HTR4: variants seen among roughly 807,000 people sequenced by gnomAD.
HTR4 encodes the protein 5-hydroxytryptamine (serotonin) receptor 4, G protein-coupled.
Under a neutral mutation model 36.8 loss-of-function variants are expected in HTR4, and 16 were observed. The ratio of observed to expected loss-of-function variants is 0.43; its 90% confidence interval spans 0.29 to 0.66. The LOEUF is 0.66. Among genes scored for constraint, HTR4 ranks in the 30% least tolerant of loss-of-function variants. The pLI, the probability that HTR4 is intolerant of heterozygous loss-of-function variation, is 0.13. For synonymous variants in HTR4, 189 were observed against 185.1 expected (o/e 1.02, Z -0.17); for missense variants, 438 against 490.9 (o/e 0.89, Z 1.02).
At chr5:148,652,616 G>C (rs1456376862) in intron 1 of HTR4, among the ~76,000 whole-genome samples, 1 of 152,134 alleles carries the variant, frequency 6.6e-6, no homozygotes, top group African/African-American at 2.4e-5. Context: ...AGACACTACT[G>C]TCCTCTGGGC....
At chr5:148,485,858 T>C (rs964667666) in intron 6 of HTR4, among the ~76,000 whole-genome samples, 1 of 152,174 alleles carries the variant, frequency 6.6e-6, no homozygotes, top group Non-Finnish European at 1.5e-5. Context: ...TCCAGAGCAA[T>C]TGGAGAGAGG....
At chr5:148,470,557 T>C (rs1040309719) in intron 5 of HTR4, among the ~76,000 whole-genome samples, 2 of 152,258 alleles carry the variant, frequency 1.3e-5, no homozygotes, top group Non-Finnish European at 2.9e-5. Context: ...GTTTTCCTGT[T>C]TGATTGTTGT....
At chr5:148,648,857 T>C (rs1753950028) in intron 1 of HTR4, among the ~76,000 whole-genome samples, 1 of 152,226 alleles carries the variant, frequency 6.6e-6, no homozygotes, top group South Asian at 2.1e-4. Flanking sequence ...GAAAGGGTCA[T>C]GGACTCCAGG....
intron 2 of HTR4, among the ~76,000 whole-genome samples, chr5:148,592,292 A>G (rs912673058): frequency 6.6e-6 from 1 of 152,140 alleles, no homozygotes; most frequent in Non-Finnish European, 1.5e-5. Flanking sequence ...TACTGGGCTT[A>G]ATTACTAGGT....
At chr5:148,596,547 A>C (rs941078778) in intron 2 of HTR4, among the ~76,000 whole-genome samples, 3 of 151,832 alleles carry the variant, frequency 2.0e-5, no homozygotes, top group African/African-American at 7.3e-5. Flanking sequence ...TTTTTTGGAG[A>C]GCTGATCAGT....
intron 5 of HTR4, among the ~76,000 whole-genome samples, chr5:148,455,929 G>C (rs1159607607): frequency 6.6e-6 from 1 of 152,110 alleles, no homozygotes; most frequent in Non-Finnish European, 1.5e-5. Context: ...CTGAGGAGGA[G>C]GAGGATGAAG....
In HTR4 at chr5:148,550,208, C is replaced by T. The variant is rs200849583; in HGVS notation, c.81G>A (p.Ser27=). The change falls in exon 3 of 7, where the codon TCG becomes TCA. Residue 27 remains serine, a synonymous_variant. Transcript: ENST00000377888. Reference sequence around the variant, plus strand: ...CCAAGATGGCCATCAGGATAACCGTCGAGAGAAACGTGAGCAGCACCACCT... The same window carrying T: ...CCAAGATGGCCATCAGGATAACCGTTGAGAGAAACGTGAGCAGCACCACCT... ...VEKVVLLTFL[S]TVILMAILGN... 1.3e-5 allele frequency: 21 copies of T among 1,613,958 alleles called. No individual in the cohort carries two copies. The highest frequency in any genetic ancestry group is 1.1e-4 in the South Asian group (10 of 91,074).
intron 6 of HTR4, among the ~76,000 whole-genome samples, chr5:148,493,687 A>C (rs1162950337): frequency 6.6e-6 from 1 of 152,214 alleles, no homozygotes; most frequent in Non-Finnish European, 1.5e-5. Context: ...ATGAAAAAAA[A>C]AGAAAGGCTT....
intron 2 of HTR4, among the ~76,000 whole-genome samples, chr5:148,558,007 G>A (rs926958064): frequency 6.6e-6 from 1 of 151,646 alleles, no homozygotes; most frequent in South Asian, 2.1e-4. Context: ...CACCTGTTAG[G>A]AGTGTCATGT....
chr5:148,469,442 G>A (rs1193333885), intron 5 of HTR4, among the ~76,000 whole-genome samples: 2 of 152,136 alleles, frequency 1.3e-5, no homozygotes, highest in Admixed American at 6.5e-5. Flanking sequence ...GTTCTGATCT[G>A]ACTACACAAG....
chr5:148,554,573 GTTA>G (rs1759844616), intron 2 of HTR4, among the ~76,000 whole-genome samples: 1 of 152,184 alleles, frequency 6.6e-6, no homozygotes, highest in Admixed American at 6.5e-5. Context: ...TGAATGCGGA[GTTA>G]TTATTTAAGA....
chr5:148,571,194 T>A (rs1219103888), intron 2 of HTR4, among the ~76,000 whole-genome samples: 1 of 152,154 alleles, frequency 6.6e-6, no homozygotes, highest in Non-Finnish European at 1.5e-5. Flanking sequence ...CTTTTACTTA[T>A]AAATAAAAAG....
intron 2 of HTR4, among the ~76,000 whole-genome samples, chr5:148,618,079 G>T (rs141311510): frequency 2.6e-5 from 4 of 152,274 alleles, no homozygotes; most frequent in African/African-American, 9.6e-5. Context: ...ATGTTCTCAA[G>T]AACTCTAGGG....
chr5:148,620,474 A>G (rs1404540989), intron 2 of HTR4, among the ~76,000 whole-genome samples: 4 of 152,214 alleles, frequency 2.6e-5, no homozygotes, highest in Admixed American at 6.5e-5. Flanking sequence ...ACGTTTAGTT[A>G]TTTAACACCT....
chr5:148,475,582 C>T (rs910291754), downstream of HTR4, among the ~76,000 whole-genome samples: 1 of 152,200 alleles, frequency 6.6e-6, no homozygotes, highest in African/African-American at 2.4e-5. Flanking sequence ...CCTTTACCAT[C>T]TCCATCTTCT....
At chr5:148,567,078 C>T (rs780915066) in intron 2 of HTR4, among the ~76,000 whole-genome samples, 5 of 152,176 alleles carry the variant, frequency 3.3e-5, no homozygotes, top group South Asian at 2.1e-4. Context: ...TACTAATTGG[C>T]GTACTTCATT....
chr5:148,495,892 G>C (rs988079325), intron 6 of HTR4, among the ~76,000 whole-genome samples: 5 of 152,024 alleles, frequency 3.3e-5, no homozygotes, highest in Non-Finnish European at 5.9e-5. Context: ...CACGAGGTCA[G>C]GAGTTCGAGA....
chr5:148,533,659 G>A (rs778305682), intron 4 of HTR4, among the ~76,000 whole-genome samples: 2 of 152,244 alleles, frequency 1.3e-5, no homozygotes, highest in Admixed American at 6.5e-5. Flanking sequence ...TCAACTTTAC[G>A]TCTTCACCAT....
intron 5 of HTR4, among the ~76,000 whole-genome samples, chr5:148,470,380 T>C (rs1324243731): frequency 6.6e-6 from 1 of 152,218 alleles, no homozygotes; most frequent in Non-Finnish European, 1.5e-5. Flanking sequence ...AAGATCATAC[T>C]GACGGTAAGA....
Sources: allele counts gnomAD v4.1 joint callset (sites outside exome capture counted in the v4.1 genomes callset), GRCh38; gene constraint gnomAD v4.1.1; transcripts MANE v1.5; gene names NCBI Gene and HGNC (gene_info 2026-07-23, HGNC 2026-07-21).